CAMSAP2: variants seen among roughly 807,000 people sequenced by gnomAD.
The protein encoded by CAMSAP2 is calmodulin regulated spectrin associated protein family member 2, also known as calmodulin-regulated spectrin-associated protein 2.
CAMSAP2 carries 26 observed loss-of-function variants against 146.1 expected under a neutral mutation model. The ratio of observed to expected loss-of-function variants is 0.18; its 90% CI spans 0.13 to 0.25. CAMSAP2 has a LOEUF of 0.25. Ranked by LOEUF, CAMSAP2 falls within the 10% of genes least tolerant of loss-of-function variation. The probability of loss-of-function intolerance (pLI) is 1.00; values close to 1 mark genes in which losing one functional copy is unlikely to be tolerated. For synonymous variants in CAMSAP2, 499 were observed against 596.6 expected (o/e 0.84, Z 2.38); for missense variants, 1,381 against 1,759.3 (o/e 0.78, Z 3.85).
intron 10 of CAMSAP2, 31 bp downstream of exon 10, chr1:200,847,740 CAG>C (rs1667497981): frequency 6.5e-7 from 1 of 1,540,272 alleles, no homozygotes; most frequent in South Asian, 1.2e-5. Context: ...TTAGTGTATT[CAG>C]ATTATTAAGA....
In CAMSAP2 at chr1:200,832,353, A is replaced by G. The variant is rs1021020623; in HGVS notation, c.787+12A>G. On this transcript the variant is annotated intron_variant, in intron 5 of 16. Coordinates refer to ENST00000358823, the MANE Select transcript of CAMSAP2 (RefSeq NM_203459.4). The surrounding 1 kb of genome is among the most constrained non-coding windows in gnomAD (Gnocchi z 4.2). ...TGTCAGATTAGAGGGTAAGTGTTCC[A>G]TTGTAATACTTCTGAACTGTAGACA... is the stretch of plus-strand genomic sequence containing the variant. 2 of 1,607,078 alleles carry G rather than the reference A, an allele frequency of 1.2e-6. No individual in the cohort carries two copies. Among genetic ancestry groups the G allele is most frequent in the Admixed American group, 1.7e-5 (1 of 58,636 alleles).
At chr1:200,747,517 C>T (rs1213329681) in intron 1 of CAMSAP2, among the ~76,000 whole-genome samples, 2 of 150,816 alleles carry the variant, frequency 1.3e-5, no homozygotes, top group Admixed American at 1.3e-4. Context: ...ATTATGCCGT[C>T]CTCACTTGTA....
rs1050960023 is a variant in CAMSAP2, at chr1:200,860,674, C to T, written c.*2615C>T. On this transcript the variant is annotated 3_prime_UTR_variant, in exon 17 of 17. Transcript: ENST00000358823. ...TTTCCTGGTACAGTGTAGTTTTTCC[C>T]CTTTCATTTGAATAAAAGCATGGCA... 1 of 152,228 alleles carries T rather than the reference C, an allele frequency of 6.6e-6. No homozygotes were observed. Among genetic ancestry groups the T allele is most frequent in the South Asian group, 2.1e-4 (1 of 4,830 alleles). 9.4% of individuals were successfully genotyped at this position (152,228 alleles called of 1,614,324 possible). A position where few individuals can be genotyped will look rare whatever the true frequency, so the allele number is the denominator to read the frequency against.
intron 12 of CAMSAP2, 121 bp downstream of exon 12, chr1:200,852,798 T>C: frequency 9.3e-7 from 1 of 1,070,344 alleles, no homozygotes; most frequent in Non-Finnish European, 1.3e-6. Flanking sequence ...ACAGATTTCT[T>C]TCAGAGAAGT....
intron 6 of CAMSAP2, among the ~76,000 whole-genome samples, chr1:200,837,924 G>A (rs543237017): frequency 6.6e-6 from 1 of 152,228 alleles, no homozygotes; most frequent in South Asian, 2.1e-4. Flanking sequence ...CATTAATTTT[G>A]TATCCTGAGA....
At chr1:200,771,501 G>T (rs1423393123) in intron 2 of CAMSAP2, among the ~76,000 whole-genome samples, 1 of 151,676 alleles carries the variant, frequency 6.6e-6, no homozygotes, top group Non-Finnish European at 1.5e-5. Context: ...TTTTTATATT[G>T]TACCACATAT....
Position 200,856,172 on chromosome 1 carries a change from CAT to C in CAMSAP2, c.4012+49_4012+50del, listed in dbSNP as rs779862427. The C allele has an allele frequency of 1.0e-5, 14 of 1,381,472 alleles. No individual in the cohort carries two copies. The Admixed American group carries it at 1.2e-4, about 12-fold the overall frequency. The allele number at this position is 1,381,472 out of a possible 1,614,324, so 85.6% of individuals were successfully genotyped here. A position where few individuals can be genotyped will look rare whatever the true frequency, so the allele number is the denominator to read the frequency against. On this transcript the variant is annotated intron_variant, in intron 15 of 16. Transcript: ENST00000358823. ...GAGAAACATTTGAATTTAACACACT[CAT>C]AAATGGAGGGTGTACTAAAGAAAAT... is the stretch of plus-strand genomic sequence containing the variant.
chr1:200,846,986 A>G (rs1667474613), intron 8 of CAMSAP2, among the ~76,000 whole-genome samples: 2 of 152,200 alleles, frequency 1.3e-5, no homozygotes, highest in East Asian at 3.8e-4. Context: ...AGACATTGAG[A>G]TGTATATGAA....
In CAMSAP2 at chr1:200,739,118, A is replaced by ACGG. The variant is rs1293226990; in HGVS notation, c.-705_-703dup. Among the ~76,000 whole-genome samples, 2 of 150,128 alleles carry ACGG rather than the reference A, an allele frequency of 1.3e-5. No homozygotes were observed. Among genetic ancestry groups the ACGG allele is most frequent in the Non-Finnish European group, 3.0e-5 (2 of 67,396 alleles). ...GAAGACCCGGGAGACGGCAGCGGCG[A>ACGG]CGGCGGCAGGGGAAGGAGGAGACGG... On this transcript the variant is annotated 5_prime_UTR_variant, in exon 1 of 17. Coordinates refer to ENST00000358823, the MANE Select transcript of CAMSAP2 (RefSeq NM_203459.4). The surrounding 1 kb of genome is among the most constrained non-coding windows in gnomAD (Gnocchi z 4.8).
chr1:200,847,214 G>C lies in CAMSAP2; in HGVS notation c.1114G>C (p.Glu372Gln). Residue 372 changes from glutamate (E) to glutamine (Q), a missense_variant, in exon 9 of 17, where the codon GAA becomes CAA. By Grantham distance (29) the Glu-to-Gln change is conservative (BLOSUM62 2). Around this residue, in one of 4 missense-constraint regions of CAMSAP2, gnomAD observed 447 missense variants for 462.2 expected, o/e 0.97. Coordinates refer to ENST00000358823, the MANE Select transcript of CAMSAP2 (RefSeq NM_203459.4). ...DSSSDFPSSGEGATFTQSHHH... is the reference protein window; with the variant it reads ...DSSSDFPSSGQGATFTQSHHH... ...TAAATTTATTTTCCATTGCAGTGGG[G>C]AAGGAGCTACATTTACACAGTCTCA... 1 of 1,604,534 alleles carries C rather than the reference G, an allele frequency of 6.2e-7. No homozygotes were observed. Among genetic ancestry groups the C allele is most frequent in the Middle Eastern group, 1.7e-4 (1 of 6,036 alleles).
chr1:200,831,254 C>A (rs1276953677), intron 4 of CAMSAP2, among the ~76,000 whole-genome samples: 2 of 152,144 alleles, frequency 1.3e-5, no homozygotes, highest in Non-Finnish European at 2.9e-5. Flanking sequence ...TAATAGCTAA[C>A]CTTTATTGAT....
chr1:200,848,838 C>T lies in CAMSAP2; in HGVS notation c.2069C>T (p.Ala690Val). 1 of 1,614,116 alleles carries T rather than the reference C, an allele frequency of 6.2e-7. No homozygotes were observed. The highest frequency in any genetic ancestry group is 8.5e-7 in the Non-Finnish European group (1 of 1,180,006). ...TCTGGAGTTAAAATGACCAGCTTTG[C>T]TGAACAAAAATTCAGGAAACTGAAT... ...SSSGVKMTSF[A>V]EQKFRKLNHT... The change falls in exon 11 of 17, where the codon GCT becomes GTT. Residue 690 changes from alanine to valine, a missense_variant. Ala to Val is a moderately conservative substitution (Grantham distance 64). Around this residue, in one of 4 missense-constraint regions of CAMSAP2, gnomAD observed 447 missense variants for 462.2 expected, o/e 0.97. Coordinates refer to ENST00000358823, the MANE Select transcript of CAMSAP2 (RefSeq NM_203459.4).
chr1:200,827,834 TAAAC>T (rs947426618), intron 4 of CAMSAP2, among the ~76,000 whole-genome samples: 41 of 152,284 alleles, frequency 2.7e-4, no homozygotes, highest in African/African-American at 8.2e-4. Context: ...GATACAAAGA[TAAAC>T]AAACACAAAT....
chr1:200,793,893 G>A (rs758323589), intron 2 of CAMSAP2, among the ~76,000 whole-genome samples: 2 of 152,032 alleles, frequency 1.3e-5, no homozygotes, highest in Non-Finnish European at 2.9e-5. Context: ...TTCTTTATAA[G>A]GTAAGGCTTG....
chr1:200,785,399 T>G (rs1441580252), intron 2 of CAMSAP2, among the ~76,000 whole-genome samples: 5 of 150,880 alleles, frequency 3.3e-5, no homozygotes, highest in African/African-American at 1.2e-4. Flanking sequence ...TTTTGTTTTT[T>G]TTTTTTTTGA....
chr1:200,817,147 C>A (rs924286804), intron 4 of CAMSAP2, among the ~76,000 whole-genome samples: 1 of 111,322 alleles, frequency 9.0e-6, no homozygotes, highest in Non-Finnish European at 1.8e-5. Flanking sequence ...TATATATACA[C>A]ATACACACAT....
chr1:200,773,069 T>C (rs1393142881), intron 2 of CAMSAP2, among the ~76,000 whole-genome samples: 2 of 152,062 alleles, frequency 1.3e-5, no homozygotes, highest in Admixed American at 1.3e-4. Context: ...TAATTCACTT[T>C]TGAATAGTGG....
In CAMSAP2 at chr1:200,849,228, A is replaced by G; in HGVS notation, c.2459A>G (p.Glu820Gly). Residue 820 changes from glutamate to glycine, a missense_variant, in exon 11 of 17, where the codon GAA becomes GGA. Glu to Gly is a moderately conservative substitution (Grantham distance 98). Around this residue, in one of 4 missense-constraint regions of CAMSAP2, gnomAD observed 560 missense variants for 715.9 expected, o/e 0.78. Coordinates refer to ENST00000358823, the MANE Select transcript of CAMSAP2 (RefSeq NM_203459.4). The surrounding 1 kb of genome is among the most constrained non-coding windows in gnomAD (Gnocchi z 6.3). ...DEKVYTDRAK[E>G]KESQKTDGQR... Reference sequence around the variant, plus strand: ...AAAGTATATACTGATCGAGCAAAAGAAAAGGAATCACAAAAAACTGATGGA... The same window carrying G: ...AAAGTATATACTGATCGAGCAAAAGGAAAGGAATCACAAAAAACTGATGGA... The G allele has an allele frequency of 6.2e-7, 1 of 1,613,890 alleles. No individual in the cohort carries two copies. Among genetic ancestry groups the G allele is most frequent in the Non-Finnish European group, 8.5e-7 (1 of 1,180,010 alleles).
intron 1 of CAMSAP2, among the ~76,000 whole-genome samples, chr1:200,754,872 G>A (rs908537098): frequency 6.6e-6 from 1 of 152,008 alleles, no homozygotes; most frequent in Non-Finnish European, 1.5e-5. Context: ...GTGAGCCACC[G>A]CGCCTGGCCG....
Sources: allele counts gnomAD v4.1 joint callset (sites outside exome capture counted in the v4.1 genomes callset), GRCh38; gene constraint gnomAD v4.1.1; regional missense constraint gnomAD v4.1.1; non-coding constraint Gnocchi (gnomAD v3.1); transcripts MANE v1.5; gene names NCBI Gene and HGNC (gene_info 2026-07-23, HGNC 2026-07-21).